CLINT1: variants seen among roughly 807,000 people sequenced by gnomAD.
CLINT1 encodes the protein clathrin interactor 1.
CLINT1 carries 15 observed loss-of-function variants against 70.4 expected under a neutral mutation model. That is an observed-to-expected ratio of 0.21 (90% CI 0.14 to 0.33). The LOEUF is 0.33. CLINT1 is among the 10% of genes least tolerant of loss of function. The pLI, the probability that CLINT1 is intolerant of heterozygous loss-of-function variation, is 1.00. For missense variants in CLINT1, 615 were observed against 778.1 expected (o/e 0.79, Z 2.49); for synonymous variants, 227 against 254.7 (o/e 0.89, Z 1.04).
intron 1 of CLINT1, among the ~76,000 whole-genome samples, chr5:157,851,298 AGT>A (rs1486863371): frequency 6.6e-6 from 1 of 152,160 alleles, no homozygotes; most frequent in African/African-American, 2.4e-5. Flanking sequence ...CATAATGATG[AGT>A]GTGTGCAAAA....
At position 157,842,973 on chromosome 5, in the gene CLINT1, T is replaced by C. The variant is rs549641574; in HGVS notation, c.41+15957A>G. On this transcript the variant is annotated intron_variant, in intron 1 of 11. Coordinates refer to ENST00000411809, the MANE Select transcript of CLINT1 (RefSeq NM_014666.4). The stretch of plus-strand genomic sequence containing the variant: ...TTATAAAAGTAAGGACGGTGAGGTG[T>C]TTTTCTTGCCAGAGGTATCATATGT... Among the ~76,000 whole-genome samples, 80 of 152,240 alleles carry C rather than the reference T, an allele frequency of 5.3e-4. No individual in the cohort carries two copies. In the South Asian group the frequency reaches 0.016, roughly 30 times the overall value.
intron 1 of CLINT1, among the ~76,000 whole-genome samples, chr5:157,845,796 C>T (rs1338645240): frequency 3.9e-5 from 6 of 152,162 alleles, no homozygotes; most frequent in East Asian, 1.9e-4. Context: ...CCTCGTGATC[C>T]GCCTGCCTCC....
chr5:157,814,418 T>C (rs566642052), intron 3 of CLINT1, 125 bp from the exon 4 acceptor site: 3 of 662,184 alleles, frequency 4.5e-6, no homozygotes, highest in Non-Finnish European at 7.7e-6. Context: ...GTGAGGTTTC[T>C]TTACATTAGA....
At chr5:157,834,865 C>A (rs1200372402) in intron 1 of CLINT1, among the ~76,000 whole-genome samples, 1 of 152,082 alleles carries the variant, frequency 6.6e-6, no homozygotes. Context: ...AATATATTGT[C>A]AGTTTTAAAA....
chr5:157,825,197 C>A (rs1762998602), intron 1 of CLINT1, among the ~76,000 whole-genome samples: 1 of 152,076 alleles, frequency 6.6e-6, no homozygotes, highest in African/African-American at 2.4e-5. Flanking sequence ...CCTATTCAAT[C>A]CAATGATATC....
chr5:157,840,192 C>CAAAAAA lies in CLINT1; in HGVS notation c.41+18732_41+18737dup, dbSNP rs57245921. ...CCTGGGCAACAGCGTGAGACTGCCT[C>CAAAAAA]AAAAAAAAAAAAAAAAAAAAAGGAA... On this transcript the variant is annotated intron_variant, in intron 1 of 11. Coordinates refer to ENST00000411809, the MANE Select transcript of CLINT1 (RefSeq NM_014666.4). 5.0e-3 allele frequency among the ~76,000 whole-genome samples: 275 copies of CAAAAAA among 55,304 alleles called. 11 individuals carry two copies. Among genetic ancestry groups the CAAAAAA allele is most frequent in the African/African-American group, 0.022 (245 of 10,928 alleles). 36.3% of individuals were successfully genotyped at this position (55,304 alleles called of 152,430 possible). A position where few individuals can be genotyped will look rare whatever the true frequency, so the allele number is the denominator to read the frequency against.
chr5:157,832,371 CT>C (rs912464110), intron 1 of CLINT1, among the ~76,000 whole-genome samples: 3 of 152,292 alleles, frequency 2.0e-5, no homozygotes, highest in African/African-American at 7.2e-5. Flanking sequence ...AGTTTCACTA[CT>C]TTTTGTCCTG....
intron 1 of CLINT1, among the ~76,000 whole-genome samples, chr5:157,827,907 G>C (rs1763089618): frequency 6.6e-6 from 1 of 152,046 alleles, no homozygotes; most frequent in Non-Finnish European, 1.5e-5. Flanking sequence ...AAGTAATATT[G>C]TATATTAGTT....
intron 1 of CLINT1, among the ~76,000 whole-genome samples, chr5:157,840,620 G>T (rs921063476): frequency 6.6e-6 from 1 of 151,404 alleles, no homozygotes; most frequent in South Asian, 2.1e-4. Flanking sequence ...AGATGGGGGT[G>T]GGGGAGGGCG....
At chr5:157,804,862 G>C (rs917390266) in intron 7 of CLINT1, among the ~76,000 whole-genome samples, 45 of 152,096 alleles carry the variant, frequency 3.0e-4, no homozygotes, top group African/African-American at 1.1e-3. Flanking sequence ...GGGAAGCAGA[G>C]GTTGCGGTGA....
intron 9 of CLINT1, among the ~76,000 whole-genome samples, chr5:157,793,817 A>G (rs1279479673): frequency 6.6e-6 from 1 of 152,204 alleles, no homozygotes; most frequent in Non-Finnish European, 1.5e-5. Flanking sequence ...CAAGCTATGT[A>G]TCTTTTTTCT....
intron 5 of CLINT1, among the ~76,000 whole-genome samples, chr5:157,812,302 G>A (rs1428989787): frequency 6.6e-6 from 1 of 152,164 alleles, no homozygotes; most frequent in Non-Finnish European, 1.5e-5. Context: ...AAGATACACA[G>A]CACTGGCCAG....
rs1346704623 is a variant in CLINT1, at chr5:157,844,219, ATAATG to A, written c.41+14706_41+14710del. On this transcript the variant is annotated intron_variant, in intron 1 of 11. Transcript: ENST00000411809. Reference sequence around the variant, plus strand: ...GTCTACTGAAATTTTGAAGACCTTTATAATGTATTTTCCCCTCAAGTTCTCAAAAA... The same window carrying A: ...GTCTACTGAAATTTTGAAGACCTTTATATTTTCCCCTCAAGTTCTCAAAAA... Among the ~76,000 whole-genome samples, 9 of 152,288 alleles carry A rather than the reference ATAATG, an allele frequency of 5.9e-5. No individual in the cohort carries two copies. The South Asian group carries it at 1.9e-3, about 32-fold the overall frequency.
intron 5 of CLINT1, among the ~76,000 whole-genome samples, chr5:157,810,427 T>C (rs3097837): frequency 0.7 from 106,334 of 152,144 alleles, 37,298 homozygotes; most frequent in East Asian, 0.79. Context: ...AAACTACACA[T>C]ACTAGAATCA....
intron 9 of CLINT1, among the ~76,000 whole-genome samples, chr5:157,792,693 C>G (rs1226319809): frequency 6.6e-6 from 1 of 152,166 alleles, no homozygotes; most frequent in Non-Finnish European, 1.5e-5. Flanking sequence ...TTAAAAAACA[C>G]AACCAAGCCA....
chr5:157,831,739 G>A (rs182688110), intron 1 of CLINT1, among the ~76,000 whole-genome samples: 75 of 146,218 alleles, frequency 5.1e-4, no homozygotes, highest in Middle Eastern at 3.6e-3. Flanking sequence ...CTGTCGCCAG[G>A]CTGGAGTGCA....
intron 1 of CLINT1, among the ~76,000 whole-genome samples, chr5:157,829,534 T>G (rs1328374866): frequency 6.6e-6 from 1 of 152,078 alleles, no homozygotes; most frequent in Non-Finnish European, 1.5e-5. Flanking sequence ...TAATGCACTT[T>G]TTTTTGAGAC....
rs202044066 is a variant in CLINT1 at position 157,837,649 on chromosome 5, C to CTTTTTTTTTTTTTTTT, written c.42-20103_42-20102insAAAAAAAAAAAAAAAA. Among the ~76,000 whole-genome samples, 61 of 138,540 alleles carry CTTTTTTTTTTTTTTTT rather than the reference C, an allele frequency of 4.4e-4. 1 individual carries two copies. The highest frequency in any genetic ancestry group is 1.5e-3 in the African/African-American group (53 of 36,322). The allele number at this position is 138,540 out of a possible 152,430, so 90.9% of individuals were successfully genotyped here. On this transcript the variant is annotated intron_variant, in intron 1 of 11. Transcript: ENST00000411809. ...CCAGCAAATTTCTCAAGCTCTTTTA[C>CTTTTTTTTTTTTTTTT]TTTTTTTTTTTTTGAGACGGAGTCT...
chr5:157,852,807 T>C (rs1473274880), intron 1 of CLINT1, among the ~76,000 whole-genome samples: 1 of 152,218 alleles, frequency 6.6e-6, no homozygotes, highest in Non-Finnish European at 1.5e-5. Context: ...TATATTTGGC[T>C]AGCAAATTAT....
Sources: allele counts gnomAD v4.1 joint callset (sites outside exome capture counted in the v4.1 genomes callset), GRCh38; gene constraint gnomAD v4.1.1; transcripts MANE v1.5; gene names NCBI Gene and HGNC (gene_info 2026-07-23, HGNC 2026-07-21).